The following MEGF10 variants were observed in gnomAD, a reference collection of about 807,000 sequenced individuals.
MEGF10 encodes multiple epidermal growth factor-like domains protein 10.
In MEGF10, 86 loss-of-function variants were observed where a neutral mutation model predicts 147.5. That is an observed-to-expected ratio of 0.58 (90% CI 0.49 to 0.70). The LOEUF is 0.70. Ranked by LOEUF, MEGF10 falls within the 30% of genes least tolerant of loss-of-function variation. MEGF10 has a pLI of 0.00. For synonymous variants in MEGF10, 478 were observed against 525.5 expected (o/e 0.91, Z 1.24); for missense variants, 1,329 against 1,487.3 (o/e 0.89, Z 1.75).
intron 17 of MEGF10, among the ~76,000 whole-genome samples, chr5:127,440,246 A>AG (rs1448174341): frequency 1.3e-5 from 2 of 152,212 alleles, no homozygotes; most frequent in Non-Finnish European, 2.9e-5. Flanking sequence ...ACACCTCTTC[A>AG]GGGAAGTTGA....
At chr5:127,442,382 T>C (rs1479019372) in intron 18 of MEGF10, among the ~76,000 whole-genome samples, 1 of 152,224 alleles carries the variant, frequency 6.6e-6, no homozygotes, top group East Asian at 1.9e-4. Flanking sequence ...AATTCATGCC[T>C]AACTCTTATT....
intron 1 of MEGF10, among the ~76,000 whole-genome samples, chr5:127,294,210 G>C (rs1319508862): frequency 2.6e-5 from 4 of 152,140 alleles, no homozygotes; most frequent in African/African-American, 9.7e-5. Context: ...CATTCTTGTG[G>C]ATAGATTTAA....
intron 5 of MEGF10, among the ~76,000 whole-genome samples, chr5:127,376,002 TGAAA>T (rs1763012619): frequency 6.6e-6 from 1 of 151,862 alleles, no homozygotes; most frequent in Non-Finnish European, 1.5e-5. Flanking sequence ...AAAAATAAAG[TGAAA>T]GAAAGAGAAC....
At chr5:127,243,030 TA>T in the MEGF10 span, among the ~76,000 whole-genome samples, 22 of 152,190 alleles carry the variant, frequency 1.4e-4, no homozygotes, top group Non-Finnish European at 2.6e-4. Context: ...AAAACTGAGT[TA>T]TATATTAAAT....
intron 7 of MEGF10, among the ~76,000 whole-genome samples, chr5:127,399,610 G>A (rs911635743): frequency 1.3e-5 from 2 of 152,050 alleles, no homozygotes; most frequent in African/African-American, 4.8e-5. Flanking sequence ...TCTTTCAGAG[G>A]TTACAAGGGA....
At chr5:127,270,360 TA>T in the MEGF10 span, among the ~76,000 whole-genome samples, 2 of 152,208 alleles carry the variant, frequency 1.3e-5, no homozygotes, top group African/African-American at 2.4e-5. Flanking sequence ...GAGACACACA[TA>T]GGCTCAAAAT....
At chr5:127,410,277 A>C in intron 8 of MEGF10, 112 bp from the exon 9 acceptor site, 1 of 954,722 alleles carries the variant, frequency 1.0e-6, no homozygotes, top group Non-Finnish European at 1.6e-6. Context: ...AAATAATTGC[A>C]AGAGCAAAAA....
chr5:127,289,094 G>A (rs1258922117), upstream of MEGF10, among the ~76,000 whole-genome samples: 1 of 152,172 alleles, frequency 6.6e-6, no homozygotes, highest in African/African-American at 2.4e-5. Flanking sequence ...CTTTAAAGGG[G>A]TGCAAGACAA....
intron 1 of MEGF10, among the ~76,000 whole-genome samples, chr5:127,320,723 C>G (rs1026974635): frequency 1.3e-5 from 2 of 152,160 alleles, no homozygotes; most frequent in Non-Finnish European, 2.9e-5. Context: ...TCGCATTTTG[C>G]CTCAAATCTT....
intron 5 of MEGF10, among the ~76,000 whole-genome samples, chr5:127,383,008 G>A (rs1325891834): frequency 6.6e-6 from 1 of 152,148 alleles, no homozygotes; most frequent in Non-Finnish European, 1.5e-5. Flanking sequence ...AAGGCAAATT[G>A]GCAGAGTAAC....
At chr5:127,304,467 C>G (rs1759922238) in intron 1 of MEGF10, among the ~76,000 whole-genome samples, 1 of 152,162 alleles carries the variant, frequency 6.6e-6, no homozygotes, top group South Asian at 2.1e-4. Context: ...ACTAGAACAA[C>G]TATCAGGACG....
At chr5:127,304,186 ATTC>A (rs1759906864) in intron 1 of MEGF10, among the ~76,000 whole-genome samples, 1 of 152,202 alleles carries the variant, frequency 6.6e-6, no homozygotes, top group Admixed American at 6.5e-5. Flanking sequence ...AAGCTGCAAA[ATTC>A]TTCTTTCCAA....
chr5:127,431,833 T>C (rs971401971), intron 13 of MEGF10, among the ~76,000 whole-genome samples: 3 of 152,248 alleles, frequency 2.0e-5, no homozygotes, highest in Non-Finnish European at 4.4e-5. Context: ...CTGCTTAATA[T>C]GTTTGATGCT....
At chr5:127,306,666 G>A (rs994163636) in intron 1 of MEGF10, among the ~76,000 whole-genome samples, 6 of 152,350 alleles carry the variant, frequency 3.9e-5, no homozygotes, top group East Asian at 1.9e-4. Flanking sequence ...GCAGCTAAGC[G>A]AAGATGCTCG....
intron 11 of MEGF10, 113 bp downstream of exon 11, chr5:127,419,353 G>A (rs985946872): frequency 4.6e-6 from 6 of 1,302,854 alleles, no homozygotes; most frequent in Non-Finnish European, 5.3e-6. Context: ...AAAATTCAGT[G>A]TCTGACCTCC....
At chr5:127,453,684 T>C (rs1361622032) in intron 22 of MEGF10, among the ~76,000 whole-genome samples, 2 of 152,218 alleles carry the variant, frequency 1.3e-5, no homozygotes, top group East Asian at 3.8e-4. Flanking sequence ...TCTCCTTTTT[T>C]GTCACAACAC....
chr5:127,363,175 A>G (rs1762538293), intron 4 of MEGF10, among the ~76,000 whole-genome samples: 2 of 152,130 alleles, frequency 1.3e-5, no homozygotes. Flanking sequence ...TGGGTCTTCC[A>G]TTTTTCTGCT....
At chr5:127,418,950 A>G (rs1375074322) in intron 10 of MEGF10, among the ~76,000 whole-genome samples, 170 bp from the exon 11 acceptor site, 1 of 152,244 alleles carries the variant, frequency 6.6e-6, no homozygotes, top group East Asian at 1.9e-4. Flanking sequence ...TTGCCCTTAA[A>G]TTTCTAAAAT....
chr5:127,433,435 A>G lies in MEGF10; in HGVS notation c.1766A>G (p.Asn589Ser), dbSNP rs1391776918. Residue 589 changes from asparagine (N) to serine (S), a missense_variant, in exon 14 of 25, where the codon AAT (asparagine) becomes AGT (serine). Physicochemically the swap from Asn to Ser is conservative, Grantham distance 46. Transcript: ENST00000503335. Reference sequence around the variant, plus strand: ...TGCTCCCTGCCCTGCTACTGTAAAAATGGGGCTTCATGCTCCCCTGATGAT... The same window carrying G: ...TGCTCCCTGCCCTGCTACTGTAAAAGTGGGGCTTCATGCTCCCCTGATGAT... ...PNCSLPCYCK[N>S]GASCSPDDGI... 3.7e-6 allele frequency: 6 copies of G among 1,613,996 alleles called. No homozygotes were observed. The highest frequency in any genetic ancestry group is 5.1e-6 in the Non-Finnish European group (6 of 1,179,980).
Sources: allele counts gnomAD v4.1 joint callset (sites outside exome capture counted in the v4.1 genomes callset), GRCh38; gene constraint gnomAD v4.1.1; transcripts MANE v1.5; gene names NCBI Gene and HGNC (gene_info 2026-07-23, HGNC 2026-07-21).